Variants in USP32 observed in about 807,000 individuals in gnomAD.
The protein encoded by USP32 is ubiquitin carboxyl-terminal hydrolase 32.
A neutral mutation model predicts 204.8 loss-of-function variants in USP32; 59 were observed. The observed-to-expected ratio is 0.29, with a 90% CI of 0.23 to 0.36. The LOEUF is 0.36. Ranked by LOEUF, USP32 falls within the 10% of genes least tolerant of loss-of-function variation. The pLI, the probability that USP32 is intolerant of heterozygous loss-of-function variation, is 1.00. For missense variants in USP32, 1,160 were observed against 1,946.4 expected (o/e 0.60, Z 7.60); for synonymous variants, 517 against 678.4 (o/e 0.76, Z 3.70).
At chr17:60,209,173 A>C (rs1281434519) in intron 22 of USP32, among the ~76,000 whole-genome samples, 197 bp downstream of exon 22, 1 of 152,220 alleles carries the variant, frequency 6.6e-6, no homozygotes, top group East Asian at 1.9e-4. Flanking sequence ...AAATGGCAAC[A>C]GTTTTCTATT....
intron 27 of USP32, among the ~76,000 whole-genome samples, 199 bp from the exon 28 acceptor site, chr17:60,193,129 T>C (rs1383307811): frequency 1.3e-5 from 2 of 152,218 alleles, no homozygotes; most frequent in African/African-American, 4.8e-5. Flanking sequence ...ATCCTCTATC[T>C]GGGCTTACAG....
intron 5 of USP32, among the ~76,000 whole-genome samples, chr17:60,279,069 T>C (rs186582934): frequency 6.6e-6 from 1 of 152,174 alleles, no homozygotes; most frequent in Non-Finnish European, 1.5e-5. Context: ...TTTCAAACTT[T>C]TAATTACATA....
intron 2 of USP32, among the ~76,000 whole-genome samples, chr17:60,331,972 G>C (rs1166697617): frequency 6.6e-5 from 10 of 151,916 alleles, no homozygotes; most frequent in Non-Finnish European, 1.5e-5. Context: ...GTCAGGCACA[G>C]TGGCTCACAC....
At chr17:60,368,765 C>G (rs57987305) in intron 1 of USP32, among the ~76,000 whole-genome samples, 3,277 of 152,108 alleles carry the variant, frequency 0.022, 139 homozygotes, top group African/African-American at 0.075. Flanking sequence ...TACACAACCT[C>G]GAAATGGCAA....
At chr17:60,363,701 G>A (rs986496968) in intron 1 of USP32, among the ~76,000 whole-genome samples, 18 of 151,386 alleles carry the variant, frequency 1.2e-4, no homozygotes, top group African/African-American at 3.6e-4. Flanking sequence ...GTCTCCCTAC[G>A]TTGCCCAGGC....
At chr17:60,418,762 A>G (rs2090082604) in intron 1 of USP32, among the ~76,000 whole-genome samples, 1 of 152,232 alleles carries the variant, frequency 6.6e-6, no homozygotes. Flanking sequence ...CATATGAAAA[A>G]AAGCTCAACA....
chr17:60,353,050 G>A (rs2088987671), intron 1 of USP32, among the ~76,000 whole-genome samples: 1 of 152,196 alleles, frequency 6.6e-6, no homozygotes, highest in African/African-American at 2.4e-5. Context: ...ATGAATGTAT[G>A]TGTCCTCCCC....
intron 29 of USP32, among the ~76,000 whole-genome samples, chr17:60,190,143 G>A (rs1043493636): frequency 2.6e-5 from 4 of 152,134 alleles, no homozygotes; most frequent in African/African-American, 9.7e-5. Flanking sequence ...GTTAGAAAGC[G>A]AGGATCTTCC....
chr17:60,348,624 A>C (rs1465653060), intron 1 of USP32, among the ~76,000 whole-genome samples: 1 of 152,056 alleles, frequency 6.6e-6, no homozygotes, highest in African/African-American at 2.4e-5. Context: ...AAACAGAAAA[A>C]TTAGCCACAC....
chr17:60,370,627 C>T (rs1393376867), intron 1 of USP32, among the ~76,000 whole-genome samples: 1 of 151,812 alleles, frequency 6.6e-6, no homozygotes, highest in Non-Finnish European at 1.5e-5. Context: ...ATTAGCTGGG[C>T]ATGGTGGTGC....
At chr17:60,316,643 C>T (rs1229973234) in intron 2 of USP32, among the ~76,000 whole-genome samples, 1 of 152,016 alleles carries the variant, frequency 6.6e-6, no homozygotes, top group Non-Finnish European at 1.5e-5. Context: ...GAGTTCGAAA[C>T]CAGACTGGCC....
intron 1 of USP32, among the ~76,000 whole-genome samples, chr17:60,379,132 A>C (rs1337979854): frequency 6.6e-6 from 1 of 152,306 alleles, no homozygotes; most frequent in East Asian, 1.9e-4. Context: ...AGTCAAAATC[A>C]TAATTTAGTA....
chr17:60,244,462 GTTCCTCTA>G (rs2085961880), intron 11 of USP32, among the ~76,000 whole-genome samples: 1 of 152,020 alleles, frequency 6.6e-6, no homozygotes, highest in Non-Finnish European at 1.5e-5. Flanking sequence ...AAGTCTATTT[GTTCCTCTA>G]TTCCTCTAGT....
chr17:60,181,517 C>T lies in USP32; in HGVS notation c.4355G>A (p.Gly1452Glu), dbSNP rs1431051659. Residue 1452 changes from glycine (G) to glutamate (E), a missense_variant, in exon 32 of 34, where the codon GGG becomes GAG. Gly to Glu is a moderately conservative substitution (Grantham distance 98). Around this residue, in one of 8 missense-constraint regions of USP32, gnomAD observed 244 missense variants for 342.3 expected, o/e 0.71. Transcript: ENST00000300896. ...AGTGACCAACTCTGGTTGGCTGCCCCCCAGCACATGCCCTCGACTCAAGGC... is the reference window on the plus strand; with the variant it reads ...AGTGACCAACTCTGGTTGGCTGCCCTCCAGCACATGCCCTCGACTCAAGGC... ...ADALSRGHVLGGSQPELVTPQ... is the reference protein window; with the variant it reads ...ADALSRGHVLEGSQPELVTPQ... 2.5e-6 allele frequency: 4 copies of T among 1,613,862 alleles called. No homozygotes were observed. The African/African-American group carries it at 5.3e-5, about 22-fold the overall frequency.
intron 29 of USP32, among the ~76,000 whole-genome samples, chr17:60,187,194 T>C (rs1378472571): frequency 1.3e-5 from 2 of 152,218 alleles, no homozygotes; most frequent in Non-Finnish European, 2.9e-5. Context: ...ACTTCTTCCC[T>C]ATATGAGAGT....
rs1309346194 is a variant in USP32, at chr17:60,198,282, C to T, written c.3412G>A (p.Ala1138Thr). The T allele has an allele frequency of 1.2e-6, 2 of 1,614,042 alleles. No homozygotes were observed. Among genetic ancestry groups the T allele is most frequent in the South Asian group, 1.1e-5 (1 of 91,078 alleles). Residue 1138 changes from alanine (A) to threonine (T), a missense_variant, in exon 27 of 34, where the codon GCT becomes ACT. This residue lies in a region of USP32 where 160 missense variants were observed against 322.5 expected (regional missense o/e 0.50). Transcript: ENST00000300896. ...CACCAATCCTGGGCATGATTACTAG[C>T]TTCCTGAGGTGGGAGTGGGCTCGCT... ...RLASPLPPQE[A>T]SNHAQDCDDS... is the part of the protein sequence containing the mutation.
rs141641824 is a variant in USP32 at position 60,244,551 on chromosome 17, A to C, written c.1136+7830T>G. Among the ~76,000 whole-genome samples, 12 of 152,298 alleles carry C rather than the reference A, an allele frequency of 7.9e-5. No homozygotes were observed. The East Asian group carries it at 2.3e-3, about 29-fold the overall frequency. Reference sequence around the variant, plus strand: ...TAACATTTTAATGCCTTTTTAAATAAAACTATTTTGGGGGATCATTTTCTT... The same window carrying C: ...TAACATTTTAATGCCTTTTTAAATACAACTATTTTGGGGGATCATTTTCTT... On this transcript the variant is annotated intron_variant, in intron 11 of 33. Coordinates refer to ENST00000300896, the MANE Select transcript of USP32 (RefSeq NM_032582.4).
intron 11 of USP32, among the ~76,000 whole-genome samples, chr17:60,238,334 G>GT (rs1430398004): frequency 6.6e-6 from 1 of 151,876 alleles, no homozygotes; most frequent in Non-Finnish European, 1.5e-5. Context: ...CATTCTATAG[G>GT]TTTTTTTGGT....
chr17:60,421,909 C>A (rs1305304481), intron 1 of USP32: 2 of 985,390 alleles, frequency 2.0e-6, no homozygotes, highest in Admixed American at 6.1e-5. Flanking sequence ...TGAAGCGGGA[C>A]CGCTGCGGTA....
Sources: gnomAD v4.1 joint callset for allele counts (sites outside exome capture counted in the v4.1 genomes callset) on GRCh38, gnomAD v4.1.1 for gene constraint, gnomAD v4.1.1 regional missense constraint, MANE v1.5 for transcripts, NCBI Gene and HGNC (gene_info 2026-07-23, HGNC 2026-07-21) for gene names.